LRP1B: variants seen among roughly 807,000 people sequenced by gnomAD.
LRP1B encodes low-density lipoprotein receptor-related protein 1B.
In LRP1B, 217 loss-of-function variants were observed where a neutral mutation model predicts 556.6. That is an observed-to-expected ratio of 0.39 (90% CI 0.35 to 0.44). The LOEUF (loss-of-function observed/expected upper bound fraction) is 0.44. Among genes scored for constraint, LRP1B ranks in the 20% least tolerant of loss-of-function variants. The pLI is 1.00. For synonymous variants in LRP1B, 2,047 were observed against 1,865.8 expected (o/e 1.10, Z -2.50); for missense variants, 5,053 against 5,620.8 (o/e 0.90, Z 3.23).
intron 35 of LRP1B, among the ~76,000 whole-genome samples, chr2:140,757,994 T>G (rs574948536): frequency 6.6e-6 from 1 of 152,308 alleles, no homozygotes; most frequent in Admixed American, 6.5e-5. Context: ...AATTCTACAA[T>G]TGTATATTAA....
intron 66 of LRP1B, among the ~76,000 whole-genome samples, chr2:140,405,702 T>C (rs1246451431): frequency 6.6e-6 from 1 of 152,072 alleles, no homozygotes. Flanking sequence ...ATTAAGTCAG[T>C]AATAAAATTG....
chr2:140,365,571 T>G (rs967272973), intron 71 of LRP1B, among the ~76,000 whole-genome samples: 7 of 151,662 alleles, frequency 4.6e-5, no homozygotes, highest in African/African-American at 1.5e-4. Context: ...TGGGTCCCAG[T>G]CTTGCTTTGG....
intron 82 of LRP1B, among the ~76,000 whole-genome samples, chr2:140,319,375 C>CTAAG (rs1165205609): frequency 2.6e-5 from 4 of 152,128 alleles, no homozygotes; most frequent in African/African-American, 9.7e-5. Context: ...CCCAAATTTT[C>CTAAG]TAAGTAGATA....
intron 7 of LRP1B, among the ~76,000 whole-genome samples, chr2:141,118,109 TG>T (rs963542293): frequency 2.0e-5 from 3 of 151,904 alleles, no homozygotes; most frequent in African/African-American, 7.2e-5. Flanking sequence ...ATGGAAACTG[TG>T]TATAGGATGG....
At chr2:141,503,232 T>C (rs1280335406) in intron 2 of LRP1B, among the ~76,000 whole-genome samples, 1 of 125,414 alleles carries the variant, frequency 8.0e-6, no homozygotes, top group African/African-American at 2.9e-5. Flanking sequence ...ATATACAATA[T>C]ACAATACAAT....
intron 1 of LRP1B, among the ~76,000 whole-genome samples, chr2:142,119,924 A>G (rs770867686): frequency 6.6e-6 from 1 of 152,180 alleles, no homozygotes; most frequent in Non-Finnish European, 1.5e-5. Flanking sequence ...CCGAGTCTAC[A>G]AACCACACTG....
intron 11 of LRP1B, among the ~76,000 whole-genome samples, chr2:141,036,620 A>C (rs1385908059): frequency 2.6e-5 from 4 of 152,094 alleles, no homozygotes. Context: ...TTGAAGCAGA[A>C]GTAAAAGGCA....
chr2:140,923,997 A>T (rs1694815490), intron 20 of LRP1B, among the ~76,000 whole-genome samples: 1 of 152,074 alleles, frequency 6.6e-6, no homozygotes, highest in Admixed American at 6.6e-5. Flanking sequence ...GTATTTCCAA[A>T]TATTACAGTA....
intron 7 of LRP1B, among the ~76,000 whole-genome samples, chr2:141,066,153 CAAAAG>C (rs1699475976): frequency 1.3e-5 from 2 of 152,096 alleles, no homozygotes; most frequent in South Asian, 4.1e-4. Flanking sequence ...TATTAGCTCA[CAAAAG>C]AAAACATTTC....
intron 86 of LRP1B, among the ~76,000 whole-genome samples, chr2:140,261,522 G>A (rs1213936869): frequency 1.3e-5 from 2 of 151,826 alleles, no homozygotes; most frequent in Non-Finnish European, 3.0e-5. Flanking sequence ...AAATAGTGAA[G>A]TATGAACAAA....
chr2:141,413,258 G>A (rs1290049683), intron 3 of LRP1B, among the ~76,000 whole-genome samples: 1 of 152,108 alleles, frequency 6.6e-6, no homozygotes, highest in African/African-American at 2.4e-5. Flanking sequence ...CTTTGAGATG[G>A]GGAGATTGCC....
At chr2:141,590,897 G>A (rs2105294019) in intron 2 of LRP1B, among the ~76,000 whole-genome samples, 1 of 152,272 alleles carries the variant, frequency 6.6e-6, no homozygotes, top group Middle Eastern at 3.4e-3. Flanking sequence ...CGTTGTTCCT[G>A]TGTGCCTTGT....
At chr2:140,316,518 A>T (rs940137400) in intron 82 of LRP1B, among the ~76,000 whole-genome samples, 5 of 152,126 alleles carry the variant, frequency 3.3e-5, no homozygotes, top group Non-Finnish European at 7.3e-5. Flanking sequence ...GATTGGCATT[A>T]CTGAAGTTTG....
At chr2:141,888,840 A>C (rs1699200778) in intron 1 of LRP1B, among the ~76,000 whole-genome samples, 1 of 152,148 alleles carries the variant, frequency 6.6e-6, no homozygotes, top group Admixed American at 6.6e-5. Context: ...TTGAAGGATG[A>C]CTATTTTACC....
intron 41 of LRP1B, among the ~76,000 whole-genome samples, chr2:140,649,381 A>G (rs1684596039): frequency 6.6e-6 from 1 of 152,150 alleles, no homozygotes; most frequent in African/African-American, 2.4e-5. Flanking sequence ...GGATAGTGGC[A>G]ATCATATCCT....
At position 140,734,683 on chromosome 2, in the gene LRP1B, C is replaced by A. The variant is rs950201653; in HGVS notation, c.5759-17867G>T. ...GTAAATAATTGACAGATGGTCCCAG[C>A]TTCTGTGTTCTGAATCTATCTTCAC... On this transcript the variant is annotated intron_variant, in intron 35 of 90. Transcript: ENST00000389484. Among the ~76,000 whole-genome samples, 5 of 152,184 alleles carry A rather than the reference C, an allele frequency of 3.3e-5. No individual in the cohort carries two copies. In the South Asian group the frequency reaches 6.2e-4, roughly 19 times the overall value.
chr2:141,266,323 C>T (rs1208415892), intron 3 of LRP1B, among the ~76,000 whole-genome samples: 1 of 73,302 alleles, frequency 1.4e-5, no homozygotes, highest in African/African-American at 5.7e-5. Context: ...GACTCTGTTT[C>T]AAAAAAAAAA....
chr2:141,231,101 C>T (rs1683442258), intron 5 of LRP1B, among the ~76,000 whole-genome samples: 1 of 152,144 alleles, frequency 6.6e-6, no homozygotes, highest in South Asian at 2.1e-4. Flanking sequence ...GTATGACTAG[C>T]TATTCAGAAA....
intron 3 of LRP1B, among the ~76,000 whole-genome samples, chr2:141,335,182 A>G (rs938430811): frequency 6.6e-6 from 1 of 152,216 alleles, no homozygotes; most frequent in South Asian, 2.1e-4. Context: ...TCACAATATG[A>G]TGGGGAAAAG....
Sources: gnomAD v4.1 joint callset for allele counts (sites outside exome capture counted in the v4.1 genomes callset) on GRCh38, gnomAD v4.1.1 for gene constraint, MANE v1.5 for transcripts, NCBI Gene and HGNC (gene_info 2026-07-23, HGNC 2026-07-21) for gene names.